The following ARHGAP26 variants were observed in gnomAD, a reference collection of about 807,000 sequenced individuals.
The protein encoded by ARHGAP26 is rho GTPase-activating protein 26.
A neutral mutation model predicts 104.8 loss-of-function variants in ARHGAP26; 38 were observed. The observed-to-expected ratio is 0.36, with a 90% CI of 0.28 to 0.48. The LOEUF (loss-of-function observed/expected upper bound fraction) is 0.48, where lower values mean the gene tolerates loss of function less well. ARHGAP26 is among the 20% of genes least tolerant of loss of function. The pLI, the probability that ARHGAP26 is intolerant of heterozygous loss-of-function variation, is 0.99. For synonymous variants in ARHGAP26, 341 were observed against 340.0 expected, an observed-to-expected ratio of 1.00 and a Z score of -0.03; for missense variants, 704 against 947.9, an observed-to-expected ratio of 0.74 and a Z score of 3.38.
chr5:143,202,527 A>G (rs921948636), intron 20 of ARHGAP26: 1 of 152,194 alleles, frequency 6.6e-6, no homozygotes, highest in African/African-American at 2.4e-5. Flanking sequence ...ATTCAATGCT[A>G]TCCCCATCAA....
intron 1 of ARHGAP26, among the ~76,000 whole-genome samples, chr5:142,806,501 G>A (rs1763015881): frequency 6.7e-6 from 1 of 149,302 alleles, no homozygotes; most frequent in Non-Finnish European, 1.5e-5. Flanking sequence ...GTGTGTGTGT[G>A]TGTGTGTTTA....
At chr5:142,890,846 A>G (rs1300374652) in intron 5 of ARHGAP26, among the ~76,000 whole-genome samples, 1 of 152,228 alleles carries the variant, frequency 6.6e-6, no homozygotes, top group Non-Finnish European at 1.5e-5. Flanking sequence ...AAGAAGATCA[A>G]TGACTTGAGC....
chr5:142,793,842 C>T (rs1760391058), intron 1 of ARHGAP26, among the ~76,000 whole-genome samples: 1 of 152,112 alleles, frequency 6.6e-6, no homozygotes, highest in Non-Finnish European at 1.5e-5. Flanking sequence ...CCTGCTTCGA[C>T]CTCTCAGTGT....
intron 11 of ARHGAP26, among the ~76,000 whole-genome samples, chr5:143,011,904 G>T (rs1055362966): frequency 6.6e-6 from 1 of 152,160 alleles, no homozygotes; most frequent in Non-Finnish European, 1.5e-5. Flanking sequence ...CAAAGCGCTT[G>T]CATTGTGTTG....
chr5:143,093,717 A>G (rs1233588733), intron 17 of ARHGAP26, among the ~76,000 whole-genome samples: 1 of 149,440 alleles, frequency 6.7e-6, no homozygotes, highest in Non-Finnish European at 1.5e-5. Flanking sequence ...TCTGCCAACC[A>G]CTTATGCTAC....
At chr5:142,821,300 GTTTT>G (rs71576157) in intron 1 of ARHGAP26, among the ~76,000 whole-genome samples, 6,126 of 106,220 alleles carry the variant, frequency 0.058, 246 homozygotes, top group African/African-American at 0.11. Flanking sequence ...AGGTAGAGTG[GTTTT>G]TTTTTTTTTT....
At chr5:142,872,305 T>G (rs770948000) in intron 1 of ARHGAP26, among the ~76,000 whole-genome samples, 1 of 152,136 alleles carries the variant, frequency 6.6e-6, no homozygotes, top group Non-Finnish European at 1.5e-5. Flanking sequence ...TCTAGTAGCT[T>G]ATGTTGATCT....
At chr5:142,822,239 A>AC (rs5871828) in intron 1 of ARHGAP26, among the ~76,000 whole-genome samples, 33,817 of 152,064 alleles carry the variant, frequency 0.22, 5,083 homozygotes, top group East Asian at 0.51. Context: ...GTTTAGTCTT[A>AC]ATTTGCTCAG....
chr5:142,936,758 G>A (rs1413269548), intron 11 of ARHGAP26, among the ~76,000 whole-genome samples: 1 of 151,580 alleles, frequency 6.6e-6, no homozygotes, highest in Non-Finnish European at 1.5e-5. Flanking sequence ...AGGTGCAAAA[G>A]CAGTTCAATG....
intron 17 of ARHGAP26, among the ~76,000 whole-genome samples, chr5:143,082,201 G>A (rs1337641712): frequency 6.6e-6 from 1 of 151,998 alleles, no homozygotes; most frequent in African/African-American, 2.4e-5. Flanking sequence ...TGCCGTGATT[G>A]CTTCAGCCTT....
chr5:142,978,747 C>CT (rs11375975), intron 11 of ARHGAP26, among the ~76,000 whole-genome samples: 2,325 of 124,578 alleles, frequency 0.019, 36 homozygotes, highest in Middle Eastern at 0.039. Flanking sequence ...AGGAGTTTGC[C>CT]TTTTTTTTTT....
At chr5:142,975,411 G>A (rs567922467) in intron 11 of ARHGAP26, among the ~76,000 whole-genome samples, 21 of 151,982 alleles carry the variant, frequency 1.4e-4, no homozygotes, top group African/African-American at 4.6e-4. Flanking sequence ...GTGTACTGGG[G>A]TTTCACATTC....
intron 11 of ARHGAP26, among the ~76,000 whole-genome samples, chr5:142,973,525 A>G (rs1442195075): frequency 1.3e-5 from 2 of 152,216 alleles, no homozygotes; most frequent in African/African-American, 4.8e-5. Flanking sequence ...TTAACCTTCC[A>G]TTTTTAAACT....
intron 11 of ARHGAP26, among the ~76,000 whole-genome samples, chr5:142,951,303 G>A (rs902768556): frequency 7.2e-5 from 11 of 152,156 alleles, no homozygotes; most frequent in Non-Finnish European, 1.2e-4. Flanking sequence ...CAAGTGATCC[G>A]CCCGCCTCGA....
chr5:143,120,110 C>T (rs927437735), intron 17 of ARHGAP26, among the ~76,000 whole-genome samples: 22 of 152,264 alleles, frequency 1.4e-4, no homozygotes, highest in African/African-American at 5.1e-4. Context: ...ATTGTCTCAA[C>T]AAAACTGAAT....
intron 1 of ARHGAP26, among the ~76,000 whole-genome samples, chr5:142,850,331 G>T (rs1751268914): frequency 6.6e-6 from 1 of 152,162 alleles, no homozygotes; most frequent in Non-Finnish European, 1.5e-5. Flanking sequence ...CATCCTTTCA[G>T]TGGGGGCAGT....
At chr5:143,017,956 C>T (rs1469950692) in intron 12 of ARHGAP26, among the ~76,000 whole-genome samples, 1 of 152,196 alleles carries the variant, frequency 6.6e-6, no homozygotes, top group Non-Finnish European at 1.5e-5. Flanking sequence ...GGTCGATCCG[C>T]AGTCCCACCA....
intron 20 of ARHGAP26, among the ~76,000 whole-genome samples, chr5:143,206,504 C>G (rs1440874399): frequency 6.6e-6 from 1 of 152,210 alleles, no homozygotes; most frequent in Non-Finnish European, 1.5e-5. Context: ...TCATTGCCTT[C>G]CCTCTGGGGC....
chr5:143,110,337 G>A (rs548023719), intron 17 of ARHGAP26, among the ~76,000 whole-genome samples: 18 of 152,320 alleles, frequency 1.2e-4, no homozygotes, highest in African/African-American at 4.1e-4. Flanking sequence ...TGGCACACAA[G>A]GGGTGCTAAA....
Sources: gnomAD v4.1 joint callset for allele counts (sites outside exome capture counted in the v4.1 genomes callset) on GRCh38, gnomAD v4.1.1 for gene constraint, MANE v1.5 for transcripts, NCBI Gene and HGNC (gene_info 2026-07-23, HGNC 2026-07-21) for gene names.